The following MYCT1 variants were observed in gnomAD, a reference collection of about 807,000 sequenced individuals.
The protein encoded by MYCT1 is MYC target 1, also known as myc target protein 1.
A neutral mutation model predicts 15.0 loss-of-function variants in MYCT1; 12 were observed. That is an observed-to-expected ratio of 0.80 (90% CI 0.51 to 1.29). MYCT1 has a LOEUF of 1.29. Ranked by LOEUF, MYCT1 falls within the 50% of genes most tolerant of loss-of-function variation. The probability of loss-of-function intolerance (pLI) is 0.00; values close to 1 mark genes in which losing one functional copy is unlikely to be tolerated. For missense variants in MYCT1, 287 were observed against 279.1 expected (o/e 1.03, Z -0.20); for synonymous variants, 104 against 102.7 (o/e 1.01, Z -0.07).
downstream of MYCT1, among the ~76,000 whole-genome samples, chr6:152,724,993 G>T (rs184758116): frequency 8.0e-4 from 121 of 151,702 alleles, 3 homozygotes; most frequent in African/African-American, 2.9e-3. Flanking sequence ...TTAAATAATG[G>T]CTATCTAAAA....
chr6:152,746,057 T>A, the MYCT1 span, among the ~76,000 whole-genome samples: 1 of 152,186 alleles, frequency 6.6e-6, no homozygotes, highest in Admixed American at 6.5e-5. Flanking sequence ...CTGTGGAGAA[T>A]AGATGTAGTG....
chr6:152,737,941 T>C, the MYCT1 span, among the ~76,000 whole-genome samples: 12 of 152,232 alleles, frequency 7.9e-5, no homozygotes, highest in East Asian at 1.9e-4. Context: ...TTTATGACTC[T>C]TTGCACCAGT....
In MYCT1 at chr6:152,722,299, T is replaced by C. The variant is rs1247874956; in HGVS notation, c.*46T>C. 2.0e-6 allele frequency: 3 copies of C among 1,537,696 alleles called. No individual in the cohort carries two copies. Among genetic ancestry groups the C allele is most frequent in the Admixed American group, 2.1e-5 (1 of 46,890 alleles). On this transcript the variant is annotated 3_prime_UTR_variant, in exon 2 of 2. Coordinates refer to ENST00000367245, the MANE Select transcript of MYCT1 (RefSeq NM_025107.3). Reference sequence around the variant, plus strand: ...TGTTTCTTTCTTGTCTTGTCTTTTATTGAAAGGAAATCAAAAATAGGCTAA... The same window carrying C: ...TGTTTCTTTCTTGTCTTGTCTTTTACTGAAAGGAAATCAAAAATAGGCTAA...
At chr6:152,728,632 A>G (rs2099726058), downstream of MYCT1, among the ~76,000 whole-genome samples, 1 of 152,190 alleles carries the variant, frequency 6.6e-6, no homozygotes, top group African/African-American at 2.4e-5. Context: ...GTGGTGGCTC[A>G]TGCCTGTAAT....
At position 152,698,049 on chromosome 6, in the gene MYCT1, G is replaced by A. The variant is rs2099720709; in HGVS notation, c.147G>A (p.Met49Ile). The A allele has an allele frequency of 4.4e-6, 7 of 1,604,312 alleles. No homozygotes were observed. The highest frequency in any genetic ancestry group is 1.1e-5 in the South Asian group (1 of 88,784). The change falls in exon 1 of 2, where the codon ATG becomes ATA. Residue 49 changes from methionine (M) to isoleucine (I), a missense_variant. By Grantham distance (10) the Met-to-Ile change is conservative. Transcript: ENST00000367245. ...TTCTTCTATTTCTTGTGGATATTAT[G>A]GCTAATAACACAACAAGTTTAGGGA... ...LLFLLFLVDI[M>I]ANNTTSLGSP...
intron 1 of MYCT1, among the ~76,000 whole-genome samples, chr6:152,712,881 G>A (rs568961359): frequency 2.6e-4 from 39 of 150,396 alleles, no homozygotes; most frequent in African/African-American, 7.7e-4. Context: ...TGACTATGAC[G>A]TGCATAGTTC....
At chr6:152,727,899 C>T (rs545083698), downstream of MYCT1, among the ~76,000 whole-genome samples, 123 of 152,210 alleles carry the variant, frequency 8.1e-4, 3 homozygotes, top group African/African-American at 2.9e-3. Flanking sequence ...TGTGGTGGCT[C>T]ACGCCTGTAA....
chr6:152,706,027 CA>C, intron 1 of MYCT1: 1 of 1,015,460 alleles, frequency 9.8e-7, no homozygotes, highest in Non-Finnish European at 1.6e-6. Flanking sequence ...CCATTAACTA[CA>C]GCAGAAATTG....
At chr6:152,742,833 G>T in the MYCT1 span, among the ~76,000 whole-genome samples, 1 of 152,292 alleles carries the variant, frequency 6.6e-6, no homozygotes, top group African/African-American at 2.4e-5. Context: ...AAGTATGATT[G>T]TCAGAGGCAG....
In MYCT1 at chr6:152,721,982, G is replaced by A. The variant is rs1364305353; in HGVS notation, c.437G>A (p.Arg146Gln). The A allele has an allele frequency of 5.6e-6, 9 of 1,614,128 alleles. No homozygotes were observed. The highest frequency in any genetic ancestry group is 2.7e-5 in the African/African-American group (2 of 75,030). Reference sequence around the variant, plus strand: ...AGCCTGGCCAGTCTCACCTTCCAGCGACAAGCTTCCCTGGAACAAGCAAAT... The same window carrying A: ...AGCCTGGCCAGTCTCACCTTCCAGCAACAAGCTTCCCTGGAACAAGCAAAT... ...NLSLASLTFQRQASLEQANSF... is the reference protein window; with the variant it reads ...NLSLASLTFQQQASLEQANSF... Residue 146 changes from arginine (R) to glutamine (Q), a missense_variant, in exon 2 of 2, where the codon CGA (arginine) becomes CAA (glutamine). Transcript: ENST00000367245.
the MYCT1 span, among the ~76,000 whole-genome samples, chr6:152,741,803 G>A: frequency 8.6e-3 from 1,303 of 152,106 alleles, 17 homozygotes; most frequent in African/African-American, 0.03. Context: ...CTAAGAAAAC[G>A]ACTATCATCG....
At chr6:152,716,264 C>A (rs1351648630) in intron 1 of MYCT1, among the ~76,000 whole-genome samples, 1 of 152,142 alleles carries the variant, frequency 6.6e-6, no homozygotes, top group African/African-American at 2.4e-5. Flanking sequence ...TATAATCAAT[C>A]AAATTTCTAT....
rs1177074657 is a variant in MYCT1 at position 152,724,036 on chromosome 6, T to C, written c.*1783T>C. The C allele has an allele frequency of 6.6e-6, 1 of 152,108 alleles. No individual in the cohort carries two copies. Among genetic ancestry groups the C allele is most frequent in the Non-Finnish European group, 1.5e-5 (1 of 68,020 alleles). The allele number at this position is 152,108 out of a possible 1,614,324, so 9.4% of individuals were successfully genotyped here. ...ATCATTCCTTAAGGACAATTATTCT[T>C]AATAATGCTTATAGAAAATGTTCTC... is the stretch of plus-strand genomic sequence containing the variant. On this transcript the variant is annotated 3_prime_UTR_variant, in exon 2 of 2. Transcript: ENST00000367245.
At chr6:152,732,925 G>A in the MYCT1 span, among the ~76,000 whole-genome samples, 6 of 152,148 alleles carry the variant, frequency 3.9e-5, no homozygotes, top group East Asian at 1.9e-4. Flanking sequence ...AAACATTAGC[G>A]CCTTCTCACA....
the MYCT1 span, among the ~76,000 whole-genome samples, chr6:152,736,649 T>A: frequency 6.6e-6 from 1 of 152,180 alleles, no homozygotes; most frequent in African/African-American, 2.4e-5. Flanking sequence ...TTAGAAAAGG[T>A]TGAGAGAAAA....
intron 1 of MYCT1, among the ~76,000 whole-genome samples, chr6:152,705,522 G>A (rs895449107): frequency 6.6e-6 from 1 of 151,762 alleles, no homozygotes; most frequent in African/African-American, 2.4e-5. Context: ...GTTCATCTAG[G>A]TTGCTGAAAA....
chr6:152,724,698 C>T (rs2099725328), downstream of MYCT1: 1 of 151,948 alleles, frequency 6.6e-6, no homozygotes, highest in Non-Finnish European at 1.5e-5. Context: ...AGAATTTGAG[C>T]TTATTAAAAT....
At chr6:152,699,029 A>G (rs1332158100) in intron 1 of MYCT1, among the ~76,000 whole-genome samples, 1 of 152,184 alleles carries the variant, frequency 6.6e-6, no homozygotes, top group African/African-American at 2.4e-5. Context: ...TAATGAAGAA[A>G]ATAGTATATA....
At chr6:152,733,892 C>T in the MYCT1 span, among the ~76,000 whole-genome samples, 1 of 152,038 alleles carries the variant, frequency 6.6e-6, no homozygotes, top group African/African-American at 2.4e-5. Flanking sequence ...TTTTCTTTTG[C>T]CATTTATTTC....
Sources: allele counts gnomAD v4.1 joint callset (sites outside exome capture counted in the v4.1 genomes callset), GRCh38; gene constraint gnomAD v4.1.1; transcripts MANE v1.5; gene names NCBI Gene and HGNC (gene_info 2026-07-23, HGNC 2026-07-21).